Variants in WNT2B observed in about 807,000 individuals in gnomAD.
The protein encoded by WNT2B is protein Wnt-2b.
A neutral mutation model predicts 40.5 loss-of-function variants in WNT2B; 19 were observed. The ratio of observed to expected loss-of-function variants is 0.47; its 90% confidence interval spans 0.33 to 0.69. The LOEUF (loss-of-function observed/expected upper bound fraction) is 0.69, where lower values mean the gene tolerates loss of function less well. Ranked by LOEUF, WNT2B falls within the 30% of genes least tolerant of loss-of-function variation. The probability of loss-of-function intolerance (pLI) is 0.02; values close to 1 mark genes in which losing one functional copy is unlikely to be tolerated. For missense variants in WNT2B, 467 were observed against 556.4 expected, an observed-to-expected ratio of 0.84 and a Z score of 1.62; for synonymous variants, 220 against 211.9, an observed-to-expected ratio of 1.04 and a Z score of -0.33.
rs1348096537 is a variant in WNT2B at position 112,515,807 on chromosome 1, CCAGTGCTGGCACT to C, written c.404-327_404-315del. Reference sequence around the variant, plus strand: ...GTGGACTAAGGCAGGCTTAGCTGAGCCAGTGCTGGCACTCAGTGGGAGGGGATGATTCACCAGG... The same window carrying C: ...GTGGACTAAGGCAGGCTTAGCTGAGCCAGTGGGAGGGGATGATTCACCAGG... On this transcript the variant is annotated intron_variant, in intron 2 of 4. Transcript: ENST00000369684. The surrounding 1 kb of genome is among the most constrained non-coding windows in gnomAD (Gnocchi z 4.4). 6.6e-6 allele frequency among the ~76,000 whole-genome samples: 1 copy of C among 152,160 alleles called. No homozygotes were observed. The highest frequency in any genetic ancestry group is 2.4e-5 in the African/African-American group (1 of 41,432).
intron 4 of WNT2B, among the ~76,000 whole-genome samples, chr1:112,519,879 T>TC (rs1405960413): frequency 1.3e-5 from 2 of 148,640 alleles, no homozygotes; most frequent in East Asian, 3.9e-4. Flanking sequence ...CTTCTTTTTT[T>TC]TTTTTTTTTT....
At chr1:112,475,005 G>A (rs554940354) in intron 1 of WNT2B, among the ~76,000 whole-genome samples, 9 of 152,260 alleles carry the variant, frequency 5.9e-5, no homozygotes, top group African/African-American at 2.2e-4. Flanking sequence ...CAGAAAGGGA[G>A]CAGATGCTAG....
chr1:112,519,872 C>CTTCTTTTTTTTTTTTTT (rs10634267), intron 4 of WNT2B, among the ~76,000 whole-genome samples: 2 of 115,650 alleles, frequency 1.7e-5, no homozygotes, highest in Admixed American at 9.6e-5. Context: ...GCCCATGCTT[C>CTTCTTTTTTTTTTTTTT]TTTTTTTTTT....
At chr1:112,476,490 T>C (rs1403717079) in intron 1 of WNT2B, among the ~76,000 whole-genome samples, 1 of 151,188 alleles carries the variant, frequency 6.6e-6, no homozygotes, top group Non-Finnish European at 1.5e-5. Context: ...CAGAGTACAA[T>C]GAAAAACTTG....
rs747073373 is a variant in WNT2B at position 112,515,035 on chromosome 1, G to A, written c.344G>A (p.Arg115His). The change falls in exon 2 of 5, where the codon CGC (arginine) becomes CAC (histidine). Residue 115 changes from arginine (R) to histidine (H), a missense_variant. Arg to His is a conservative substitution (Grantham distance 29). Transcript: ENST00000369684. This position sits in a 1 kb window ranked among gnomAD's most constrained non-coding sequence, Gnocchi z 4.4. ...TGTCAGCACCAATTCCGCCACCACCGCTGGAACTGTACCACCCTGGACCGG... is the reference window on the plus strand; with the variant it reads ...TGTCAGCACCAATTCCGCCACCACCACTGGAACTGTACCACCCTGGACCGG... ...RECQHQFRHH[R>H]WNCTTLDRDH... 3.1e-6 allele frequency: 5 copies of A among 1,614,198 alleles called. No individual in the cohort carries two copies. The highest frequency in any genetic ancestry group is 2.2e-5 in the South Asian group (2 of 91,082).
chr1:112,520,649 G>A lies in WNT2B; in HGVS notation c.*140G>A. 1.1e-6 allele frequency: 1 copy of A among 877,926 alleles called. No individual in the cohort carries two copies. The highest frequency in any genetic ancestry group is 1.8e-6 in the Non-Finnish European group (1 of 566,790). 54.4% of individuals were successfully genotyped at this position (877,926 alleles called of 1,614,324 possible). On this transcript the variant is annotated 3_prime_UTR_variant, in exon 5 of 5. Coordinates refer to ENST00000369684, the MANE Select transcript of WNT2B (RefSeq NM_024494.3). ...AAGGATGTAGAGAGTAATCCATAGG[G>A]ACCATGGTGTCCTGGCTGGTTCCTT...
rs115868072 is a variant in WNT2B, at chr1:112,467,202, G to A, written c.-484G>A. 2.7e-3 allele frequency: 830 copies of A among 309,016 alleles called. 6 individuals carry two copies. Among genetic ancestry groups the A allele is most frequent in the African/African-American group, 0.017 (767 of 46,048 alleles). The allele number at this position is 309,016 out of a possible 1,614,324, so 19.1% of individuals were successfully genotyped here. On this transcript the variant is annotated 5_prime_UTR_variant, in exon 1 of 5. Transcript: ENST00000256640. ...GTGCACCAAGTTGCCAGCAGGCACC[G>A]TGTTTCTGGTGAGAAGCCTGGGATG...
At chr1:112,497,530 A>G (rs951619399) in intron 1 of WNT2B, among the ~76,000 whole-genome samples, 4 of 152,192 alleles carry the variant, frequency 2.6e-5, no homozygotes, top group African/African-American at 9.6e-5. Flanking sequence ...CACTCCCCCA[A>G]TAACATTCTG....
chr1:112,468,748 A>G (rs1650783153), intron 1 of WNT2B, among the ~76,000 whole-genome samples: 1 of 152,034 alleles, frequency 6.6e-6, no homozygotes, highest in Non-Finnish European at 1.5e-5. Flanking sequence ...CTCCCATTCA[A>G]GAGGTTGTCT....
At chr1:112,475,910 T>G (rs542327687) in intron 1 of WNT2B, among the ~76,000 whole-genome samples, 35 of 152,290 alleles carry the variant, frequency 2.3e-4, no homozygotes, top group Non-Finnish European at 4.1e-4. Flanking sequence ...AAAAATATGC[T>G]GCCCACAAGA....
At chr1:112,486,701 A>G (rs1291894207) in intron 1 of WNT2B, among the ~76,000 whole-genome samples, 1 of 152,164 alleles carries the variant, frequency 6.6e-6, no homozygotes, top group East Asian at 1.9e-4. Flanking sequence ...ATTTTACTAG[A>G]AACTTCAAAA....
chr1:112,480,687 C>A (rs530974959), intron 1 of WNT2B, among the ~76,000 whole-genome samples: 33 of 152,230 alleles, frequency 2.2e-4, no homozygotes, highest in Admixed American at 3.9e-4. Flanking sequence ...TTCTTAAACT[C>A]TTGTGAAAAA....
Position 112,525,127 on chromosome 1 carries a change from T to C in WNT2B, c.*4618T>C, listed in dbSNP as rs1347453836. The C allele has an allele frequency of 6.6e-6, 1 of 152,218 alleles. No individual in the cohort carries two copies. The highest frequency in any genetic ancestry group is 1.5e-5 in the Non-Finnish European group (1 of 68,058). 9.4% of individuals were successfully genotyped at this position (152,218 alleles called of 1,614,324 possible). ...CAGAGATAGTGAGATGTGCACCCTA[T>C]GTGCTGAGAATGATGGAGCAGTCTC... On this transcript the variant is annotated 3_prime_UTR_variant, in exon 5 of 5. Coordinates refer to ENST00000369684, the MANE Select transcript of WNT2B (RefSeq NM_024494.3).
At position 112,525,456 on chromosome 1, in the gene WNT2B, G is replaced by A. The variant is rs1194520023; in HGVS notation, c.*4947G>A. On this transcript the variant is annotated 3_prime_UTR_variant, in exon 5 of 5. Transcript: ENST00000369684. Reference sequence around the variant, plus strand: ...CTCAAAGGTAAAGGGATAGAAAAGAGAGGGCGTTGACAAACTCATTTTCCC... The same window carrying A: ...CTCAAAGGTAAAGGGATAGAAAAGAAAGGGCGTTGACAAACTCATTTTCCC... 6.5e-6 allele frequency: 1 copy of A among 152,742 alleles called. No individual in the cohort carries two copies. Among genetic ancestry groups the A allele is most frequent in the African/African-American group, 2.4e-5 (1 of 41,362 alleles). The allele number at this position is 152,742 out of a possible 1,614,324, so 9.5% of individuals were successfully genotyped here.
intron 1 of WNT2B, among the ~76,000 whole-genome samples, chr1:112,489,784 T>C (rs1461119096): frequency 6.6e-6 from 1 of 151,138 alleles, no homozygotes; most frequent in East Asian, 1.9e-4. Context: ...TTCTGCCTAT[T>C]TTTTTTTTAC....
rs539034619 is a variant in WNT2B at position 112,473,026 on chromosome 1, G to A, written c.-95+5435G>A. ...GGGAAGGGGAGAGAGAGAGAGGGAA[G>A]GAGGGAGAAAGGGAGAGGGAGAGGA... is the stretch of plus-strand genomic sequence containing the variant. On this transcript the variant is annotated intron_variant, in intron 1 of 4. Coordinates refer to the WNT2B transcript ENST00000256640. Among the ~76,000 whole-genome samples, 480 of 130,004 alleles carry A rather than the reference G, an allele frequency of 3.7e-3. 3 individuals carry two copies. Among genetic ancestry groups the A allele is most frequent in the African/African-American group, 0.014 (464 of 33,140 alleles). 85.3% of individuals were successfully genotyped at this position (130,004 alleles called of 152,430 possible).
At chr1:112,516,021 G>A in intron 2 of WNT2B, 119 bp from the exon 3 acceptor site, 3 of 1,330,436 alleles carry the variant, frequency 2.3e-6, no homozygotes, top group Non-Finnish European at 2.1e-6. Flanking sequence ...GGGGGTGTAG[G>A]GGTGACTCTG....
chr1:112,500,427 TA>T (rs1264061631), intron 1 of WNT2B, among the ~76,000 whole-genome samples: 9 of 152,118 alleles, frequency 5.9e-5, no homozygotes, highest in Non-Finnish European at 1.3e-4. Context: ...TCGCTAATAA[TA>T]AAAAAATTAA....
At chr1:112,492,238 T>C (rs1651625372) in intron 1 of WNT2B, among the ~76,000 whole-genome samples, 1 of 152,160 alleles carries the variant, frequency 6.6e-6, no homozygotes, top group Non-Finnish European at 1.5e-5. Context: ...AGTAAAAACC[T>C]GAACAAACTG....
Sources: allele counts gnomAD v4.1 joint callset (sites outside exome capture counted in the v4.1 genomes callset), GRCh38; gene constraint gnomAD v4.1.1; non-coding constraint Gnocchi (gnomAD v3.1); transcripts MANE v1.5; gene names NCBI Gene and HGNC (gene_info 2026-07-23, HGNC 2026-07-21).